Variants in KIF11 observed in about 807,000 individuals in gnomAD.
KIF11 encodes the protein kinesin-like protein KIF11.
KIF11 carries 9 observed loss-of-function variants against 121.0 expected under a neutral mutation model. That is an observed-to-expected ratio of 0.07 (90% CI 0.04 to 0.13). KIF11 has a LOEUF of 0.13. KIF11 is among the 10% of genes least tolerant of loss of function. KIF11 has a pLI of 1.00. For synonymous variants in KIF11, 408 were observed against 421.0 expected (o/e 0.97, Z 0.38); for missense variants, 846 against 1,217.5 (o/e 0.69, Z 4.54).
intron 12 of KIF11, among the ~76,000 whole-genome samples, chr10:92,631,888 T>G (rs1844742896): frequency 6.6e-6 from 1 of 152,090 alleles, no homozygotes; most frequent in South Asian, 2.1e-4. Flanking sequence ...TTGGCCAGGC[T>G]GGTCTCAAAC....
At chr10:92,637,680 CT>C in intron 16 of KIF11, 135 bp downstream of exon 16, 1 of 789,728 alleles carries the variant, frequency 1.3e-6, no homozygotes, top group Non-Finnish European at 2.0e-6. Flanking sequence ...GCCACTGTTG[CT>C]TATAACAGTA....
At chr10:92,616,927 A>G in intron 9 of KIF11, 95 bp downstream of exon 9, 1 of 688,056 alleles carries the variant, frequency 1.5e-6, no homozygotes, top group Non-Finnish European at 2.5e-6. Flanking sequence ...AAGATTTGTT[A>G]AATTGCCCAT....
chr10:92,653,930 T>G lies in KIF11; in HGVS notation c.*134T>G, dbSNP rs777288943. ...CGGGCGCGGTGGCTCATGCCTGTAA[T>G]CCCAGCACTTTGGGAGGCTGAGGCG... On this transcript the variant is annotated 3_prime_UTR_variant, in exon 22 of 22. Transcript: ENST00000260731. 8.8e-6 allele frequency: 6 copies of G among 684,302 alleles called. No homozygotes were observed. Among genetic ancestry groups the G allele is most frequent in the Non-Finnish European group, 1.4e-5 (6 of 435,746 alleles). 42.4% of individuals were successfully genotyped at this position (684,302 alleles called of 1,614,324 possible). A position where few individuals can be genotyped will look rare whatever the true frequency, so the allele number is the denominator to read the frequency against.
intron 10 of KIF11, among the ~76,000 whole-genome samples, chr10:92,626,302 A>G (rs1170524431): frequency 1.3e-5 from 2 of 152,236 alleles, no homozygotes; most frequent in African/African-American, 4.8e-5. Context: ...CAGAACATGC[A>G]ATGGGGATAA....
At chr10:92,614,659 G>T (rs1223290442) in intron 8 of KIF11, among the ~76,000 whole-genome samples, 1 of 152,174 alleles carries the variant, frequency 6.6e-6, no homozygotes, top group African/African-American at 2.4e-5. Flanking sequence ...GCTGCTTAGA[G>T]AACACTGAAG....
chr10:92,629,953 T>C (rs1300028359), intron 11 of KIF11, among the ~76,000 whole-genome samples: 1 of 152,148 alleles, frequency 6.6e-6, no homozygotes, highest in Non-Finnish European at 1.5e-5. Flanking sequence ...ATTGACAATG[T>C]TGAAGGAAAC....
chr10:92,653,842 T>C lies in KIF11; in HGVS notation c.*46T>C. On this transcript the variant is annotated 3_prime_UTR_variant, in exon 22 of 22. Coordinates refer to ENST00000260731, the MANE Select transcript of KIF11 (RefSeq NM_004523.4). ...TTTATTTTTAAAGAAAACTTAAAAA[T>C]AAAACCTGAAACCCCAGAACTTGAG... 1 of 1,551,400 alleles carries C rather than the reference T, an allele frequency of 6.4e-7. No homozygotes were observed. Among genetic ancestry groups the C allele is most frequent in the Non-Finnish European group, 8.8e-7 (1 of 1,136,784 alleles).
chr10:92,610,114 A>G (rs1417050424), intron 6 of KIF11, among the ~76,000 whole-genome samples: 1 of 152,168 alleles, frequency 6.6e-6, no homozygotes. Context: ...TGTGGCTGCT[A>G]TAGTTGATTT....
In KIF11 at chr10:92,630,179, A is replaced by G. The variant is rs202198199; in HGVS notation, c.1309A>G (p.Thr437Ala). The G allele has an allele frequency of 9.8e-5, 149 of 1,512,922 alleles. 2 individuals are homozygous for G. In the Admixed American group the frequency reaches 1.8e-3, roughly 19 times the overall value. 93.7% of individuals were successfully genotyped at this position (1,512,922 alleles called of 1,614,324 possible). Residue 437 changes from threonine (T) to alanine (A), a missense_variant, in exon 12 of 22, where the codon ACA becomes GCA. By Grantham distance (58) the Thr-to-Ala change is moderately conservative. Transcript: ENST00000260731. The part of the protein sequence containing the change: ...GAVEEELNRV[T>A]ELFMDNKNEL... ...TTTTTTAAATTCTTATATTTAGGTT[A>G]CAGAGTTGTTTATGGATAATAAAAA...
At chr10:92,616,243 T>C (rs190998032) in intron 8 of KIF11, among the ~76,000 whole-genome samples, 1 of 151,790 alleles carries the variant, frequency 6.6e-6, no homozygotes, top group East Asian at 1.9e-4. Context: ...AAGGTCCCTC[T>C]CTGTTGGCTG....
At position 92,598,152 on chromosome 10, in the gene KIF11, A is replaced by G. The variant is rs970909293; in HGVS notation, c.77+4700A>G. ...TTTTGTTCCCTGTATCTTTGGTGTT[A>G]TATCCAAGAAATCATTGCCAAATCC... On this transcript the variant is annotated intron_variant, in intron 1 of 21. Coordinates refer to ENST00000260731, the MANE Select transcript of KIF11 (RefSeq NM_004523.4). Among the ~76,000 whole-genome samples, 14 of 152,152 alleles carry G rather than the reference A, an allele frequency of 9.2e-5. No homozygotes were observed. In the East Asian group the frequency reaches 2.7e-3, roughly 29 times the overall value.
intron 10 of KIF11, among the ~76,000 whole-genome samples, chr10:92,623,343 T>C (rs1258262208): frequency 6.6e-6 from 1 of 152,080 alleles, no homozygotes; most frequent in African/African-American, 2.4e-5. Flanking sequence ...ACAACAATAA[T>C]AACAGAGAAA....
rs1175303233 is a variant in KIF11, at chr10:92,651,507, G to GTTT, written c.3039+1029_3039+1031dup. On this transcript the variant is annotated intron_variant, in intron 21 of 21. Coordinates refer to ENST00000260731, the MANE Select transcript of KIF11 (RefSeq NM_004523.4). ...TGTGCCACCATGCCTGGCTAATTTT[G>GTTT]TTTTTTTTTTTTTTTTTTTTTTTTT... Among the ~76,000 whole-genome samples the GTTT allele has an allele frequency of 5.6e-3, 298 of 52,880 alleles. 56 individuals are homozygous for GTTT. The highest frequency in any genetic ancestry group is 9.1e-3 in the Non-Finnish European group (216 of 23,856). 34.7% of individuals were successfully genotyped at this position (52,880 alleles called of 152,430 possible).
At chr10:92,594,894 T>C (rs564491095) in intron 1 of KIF11, among the ~76,000 whole-genome samples, 28 of 152,358 alleles carry the variant, frequency 1.8e-4, no homozygotes, top group African/African-American at 6.7e-4. Context: ...GATTAGCCTT[T>C]TTCTTTCAAA....
At chr10:92,601,407 C>T (rs979500436) in intron 1 of KIF11, among the ~76,000 whole-genome samples, 6 of 150,828 alleles carry the variant, frequency 4.0e-5, no homozygotes, top group South Asian at 2.1e-4. Flanking sequence ...GACGGGGTTT[C>T]GCCGTTTTAG....
At chr10:92,653,187 G>C (rs770726187) in intron 21 of KIF11, among the ~76,000 whole-genome samples, 1 of 152,206 alleles carries the variant, frequency 6.6e-6, no homozygotes, top group Non-Finnish European at 1.5e-5. Context: ...TTTCTTGACA[G>C]CAGTGCTATT....
At chr10:92,616,202 G>A (rs1259810391) in intron 8 of KIF11, among the ~76,000 whole-genome samples, 2 of 149,690 alleles carry the variant, frequency 1.3e-5, no homozygotes, top group Non-Finnish European at 3.0e-5. Flanking sequence ...TTTTTGTTTT[G>A]TTTTGTTTTT....
chr10:92,645,909 C>T (rs1372751234), intron 18 of KIF11, among the ~76,000 whole-genome samples: 1 of 150,874 alleles, frequency 6.6e-6, no homozygotes, highest in Admixed American at 6.6e-5. Flanking sequence ...CAAAGAAGGG[C>T]ACCCTGTCTT....
At chr10:92,605,404 G>GT (rs1844417809) in intron 1 of KIF11, among the ~76,000 whole-genome samples, 1 of 151,502 alleles carries the variant, frequency 6.6e-6, no homozygotes, top group Admixed American at 6.6e-5. Context: ...TTTGTGCCAG[G>GT]TATCTACTGG....
Sources: allele counts gnomAD v4.1 joint callset (sites outside exome capture counted in the v4.1 genomes callset), GRCh38; gene constraint gnomAD v4.1.1; transcripts MANE v1.5; gene names NCBI Gene and HGNC (gene_info 2026-07-23, HGNC 2026-07-21).